MICU3: variants seen among roughly 807,000 people sequenced by gnomAD.
MICU3 encodes the protein mitochondrial calcium uptake 3.
MICU3 carries 62 observed loss-of-function variants against 66.5 expected under a neutral mutation model. The ratio of observed to expected loss-of-function variants is 0.93; its 90% CI spans 0.76 to 1.15. MICU3 has a LOEUF of 1.15. Ranked by LOEUF, MICU3 falls within the 50% of genes most tolerant of loss-of-function variation. MICU3 has a pLI of 0.00. For missense variants in MICU3, 779 were observed against 664.4 expected, an observed-to-expected ratio of 1.17 and a Z score of -1.90; for synonymous variants, 308 against 240.7, an observed-to-expected ratio of 1.28 and a Z score of -2.59.
At chr8:17,133,218 G>C in the MICU3 span, 1 of 152,206 alleles carries the variant, frequency 6.6e-6, no homozygotes, top group Non-Finnish European at 1.5e-5. Context: ...TTATGATGGG[G>C]AAAGTGCACT....
intron 11 of MICU3, among the ~76,000 whole-genome samples, chr8:17,112,756 C>T (rs950468665): frequency 7.2e-5 from 11 of 152,140 alleles, no homozygotes; most frequent in East Asian, 5.8e-4. Context: ...ATTCCATCCT[C>T]GTGTGTTTTA....
intron 7 of MICU3, among the ~76,000 whole-genome samples, chr8:17,090,310 T>G (rs558674055): frequency 8.5e-5 from 13 of 152,208 alleles, no homozygotes; most frequent in African/African-American, 2.9e-4. Flanking sequence ...TATAATGAAA[T>G]GGTTGAAATG....
At chr8:17,114,845 C>T (rs896261897) in intron 12 of MICU3, among the ~76,000 whole-genome samples, 21 of 152,034 alleles carry the variant, frequency 1.4e-4, no homozygotes, top group Middle Eastern at 3.4e-3. Context: ...GGAGGCCGGG[C>T]GCGGTGGCTC....
intron 4 of MICU3, 61 bp from the exon 5 acceptor site, chr8:17,081,632 T>C: frequency 2.2e-6 from 1 of 456,452 alleles, no homozygotes; most frequent in South Asian, 3.7e-5. Flanking sequence ...TCATTATTTA[T>C]AGCATTTATT....
intron 10 of MICU3, 64 bp from the exon 11 acceptor site, chr8:17,105,349 C>G: frequency 1.1e-6 from 1 of 934,000 alleles, no homozygotes. Flanking sequence ...TGAGTATTTG[C>G]TCATCTCCTG....
chr8:17,126,184 T>C (rs2213901), downstream of MICU3, among the ~76,000 whole-genome samples: 65,052 of 151,914 alleles, frequency 0.43, 14,066 homozygotes, highest in South Asian at 0.54. Flanking sequence ...CATTCCTTCT[T>C]ATAGTACAAC....
In MICU3 at chr8:17,098,456, A is replaced by C. The variant is rs1800959380; in HGVS notation, c.889-2A>C. On this transcript the variant is annotated splice_acceptor_variant, in intron 8 of 14. Transcript: ENST00000318063. LOFTEE classifies it high-confidence loss of function. ...CAGTTGTGCTTCTTAAAACTTCTAC[A>C]GGTACTTAAAACAGATGCTGAGGAA... 6 of 1,588,072 alleles carry C rather than the reference A, an allele frequency of 3.8e-6. No homozygotes were observed. Among genetic ancestry groups the C allele is most frequent in the Non-Finnish European group, 4.3e-6 (5 of 1,156,892 alleles).
At chr8:17,046,520 C>G (rs1207749753) in intron 1 of MICU3, among the ~76,000 whole-genome samples, 3 of 152,032 alleles carry the variant, frequency 2.0e-5, no homozygotes, top group Non-Finnish European at 4.4e-5. Context: ...CCACACTGTA[C>G]TTATAAGAAA....
At chr8:17,070,020 C>A (rs1819313401) in intron 3 of MICU3, among the ~76,000 whole-genome samples, 1 of 151,946 alleles carries the variant, frequency 6.6e-6, no homozygotes, top group Non-Finnish European at 1.5e-5. Flanking sequence ...CTACCCTATA[C>A]CTAGTAAATA....
At chr8:17,065,323 T>G (rs1457133468) in intron 2 of MICU3, among the ~76,000 whole-genome samples, 1 of 152,194 alleles carries the variant, frequency 6.6e-6, no homozygotes, top group Admixed American at 6.5e-5. Context: ...TAGTAACTTT[T>G]AATGAATTTT....
intron 11 of MICU3, among the ~76,000 whole-genome samples, chr8:17,112,069 T>A (rs1802248505): frequency 6.6e-6 from 1 of 152,108 alleles, no homozygotes; most frequent in South Asian, 2.1e-4. Flanking sequence ...TGGGGTGAAC[T>A]GCCTCCATAA....
the MICU3 span, chr8:17,131,486 G>T: frequency 6.6e-6 from 1 of 152,530 alleles, no homozygotes. Context: ...GGGCACTGCT[G>T]GAACCGAAAT....
intron 1 of MICU3, among the ~76,000 whole-genome samples, chr8:17,040,090 T>G (rs922731249): frequency 2.6e-5 from 4 of 151,968 alleles, no homozygotes; most frequent in Non-Finnish European, 5.9e-5. Flanking sequence ...GTATTTTTAG[T>G]AGAGACGGGG....
intron 1 of MICU3, among the ~76,000 whole-genome samples, chr8:17,051,042 C>T (rs1481612842): frequency 6.6e-6 from 1 of 152,060 alleles, no homozygotes; most frequent in African/African-American, 2.4e-5. Context: ...ATTGGTTACA[C>T]ATAACATTTA....
intron 1 of MICU3, among the ~76,000 whole-genome samples, chr8:17,034,749 A>C (rs891318363): frequency 2.0e-5 from 3 of 152,274 alleles, no homozygotes. Context: ...CTGCAATTTC[A>C]TGATAAAACT....
At chr8:17,030,751 T>C (rs1429517998) in intron 1 of MICU3, among the ~76,000 whole-genome samples, 2 of 152,212 alleles carry the variant, frequency 1.3e-5, no homozygotes, top group East Asian at 3.8e-4. Context: ...AACTACTTAC[T>C]CTGATTCCAT....
chr8:17,078,753 C>T (rs1018347929), intron 4 of MICU3, among the ~76,000 whole-genome samples: 6 of 151,966 alleles, frequency 3.9e-5, no homozygotes, highest in Middle Eastern at 3.4e-3. Context: ...ATTGCTTCCA[C>T]GTGGTTTACA....
chr8:17,090,265 G>T (rs756730421), intron 7 of MICU3, among the ~76,000 whole-genome samples: 1 of 152,042 alleles, frequency 6.6e-6, no homozygotes, highest in Non-Finnish European at 1.5e-5. Flanking sequence ...TCAGGACAAC[G>T]TGTTTTACTC....
intron 1 of MICU3, among the ~76,000 whole-genome samples, chr8:17,062,860 C>T (rs945085755): frequency 2.0e-5 from 3 of 148,942 alleles, no homozygotes; most frequent in Admixed American, 6.7e-5. Flanking sequence ...GCCTGGGTGA[C>T]AGAGTGAGAC....
Sources: gnomAD v4.1 joint callset for allele counts (sites outside exome capture counted in the v4.1 genomes callset) on GRCh38, gnomAD v4.1.1 for gene constraint, MANE v1.5 for transcripts, NCBI Gene and HGNC (gene_info 2026-07-23, HGNC 2026-07-21) for gene names.